Variants in IL36B observed in about 807,000 individuals in gnomAD.
IL36B encodes the protein interleukin 36 beta, also known as interleukin-36 beta.
Under a neutral mutation model 19.3 loss-of-function variants are expected in IL36B, and 23 were observed. The observed-to-expected ratio is 1.19, with a 90% CI of 0.86 to 1.69. The LOEUF (loss-of-function observed/expected upper bound fraction) is 1.69, where lower values mean the gene tolerates loss of function less well. Ranked by LOEUF, IL36B falls within the 40% of genes most tolerant of loss-of-function variation. The pLI, the probability that IL36B is intolerant of heterozygous loss-of-function variation, is 0.00. For synonymous variants in IL36B, 59 were observed against 59.7 expected (o/e 0.99, Z 0.05); for missense variants, 217 against 200.5 (o/e 1.08, Z -0.50).
chr2:113,046,179 G>A (rs1232211577), intron 1 of IL36B, among the ~76,000 whole-genome samples: 7 of 149,886 alleles, frequency 4.7e-5, no homozygotes, highest in Admixed American at 2.0e-4. Context: ...ATTATATAAA[G>A]TTTATATTCT....
chr2:113,050,953 C>T (rs528839398), intron 1 of IL36B, among the ~76,000 whole-genome samples: 72 of 151,952 alleles, frequency 4.7e-4, no homozygotes, highest in African/African-American at 1.6e-3. Context: ...TGCCTCTCAG[C>T]GTGGCCTCCC....
At chr2:113,027,638 A>G (rs1684988573) in intron 4 of IL36B, 2 of 1,281,424 alleles carry the variant, frequency 1.6e-6, no homozygotes, top group Non-Finnish European at 2.0e-6. Flanking sequence ...TAAACTGGGC[A>G]TGGCAGCTGA....
At chr2:113,034,260 G>A (rs1043562555) in intron 1 of IL36B, among the ~76,000 whole-genome samples, 3 of 152,066 alleles carry the variant, frequency 2.0e-5, no homozygotes, top group African/African-American at 4.8e-5. Flanking sequence ...TTCGCCTGCA[G>A]GGAGTTTTTC....
At chr2:113,026,646 C>G (rs182817062) in intron 4 of IL36B, among the ~76,000 whole-genome samples, 405 of 152,256 alleles carry the variant, frequency 2.7e-3, no homozygotes, top group Non-Finnish European at 3.7e-3. Context: ...TAAAATAACT[C>G]TCACAAAATG....
At chr2:113,032,057 T>A (rs1685085712) in intron 1 of IL36B, among the ~76,000 whole-genome samples, 1 of 151,738 alleles carries the variant, frequency 6.6e-6, no homozygotes, top group Non-Finnish European at 1.5e-5. Flanking sequence ...TTCCAACACA[T>A]CACCACGGGC....
At chr2:113,046,079 T>G (rs950596901) in intron 1 of IL36B, among the ~76,000 whole-genome samples, 5 of 152,208 alleles carry the variant, frequency 3.3e-5, no homozygotes, top group African/African-American at 9.6e-5. Context: ...GCTTTCAAAT[T>G]TACAGAAAAA....
At chr2:113,033,115 G>C (rs1685108945) in intron 1 of IL36B, among the ~76,000 whole-genome samples, 1 of 152,306 alleles carries the variant, frequency 6.6e-6, no homozygotes, top group African/African-American at 2.4e-5. Flanking sequence ...CTCCTTGCAG[G>C]AGTTTTACAC....
At chr2:113,029,807 A>G (rs1685040404) in intron 3 of IL36B, among the ~76,000 whole-genome samples, 3 of 152,198 alleles carry the variant, frequency 2.0e-5, no homozygotes, top group African/African-American at 7.2e-5. Flanking sequence ...ACCCATTCAC[A>G]GGGCTTGTAA....
intron 1 of IL36B, among the ~76,000 whole-genome samples, chr2:113,038,617 T>C (rs993872375): frequency 5.9e-5 from 9 of 152,150 alleles, no homozygotes; most frequent in Non-Finnish European, 1.3e-4. Context: ...TCAGTCCAAT[T>C]TGGCCACACA....
chr2:113,029,090 A>G lies in IL36B; in HGVS notation c.122-12T>C. ...TAAATGAAGAGTGACTGGAAACACA[A>G]AGGAAAATGGAGAAGATGTTTCAGT... is the stretch of plus-strand genomic sequence containing the variant. On this transcript the variant is annotated splice_polypyrimidine_tract_variant and intron_variant, in intron 3 of 5. Transcript: ENST00000259213. 6.2e-7 allele frequency: 1 copy of G among 1,609,282 alleles called. No individual in the cohort carries two copies. Among genetic ancestry groups the G allele is most frequent in the South Asian group, 1.1e-5 (1 of 89,850 alleles).
At chr2:113,045,251 A>G (rs1275406143) in intron 1 of IL36B, among the ~76,000 whole-genome samples, 1 of 152,212 alleles carries the variant, frequency 6.6e-6, no homozygotes, top group Non-Finnish European at 1.5e-5. Context: ...CCGCAAAAGC[A>G]TAATTGACAA....
chr2:113,051,513 C>T (rs745792268), intron 1 of IL36B, among the ~76,000 whole-genome samples: 60 of 152,182 alleles, frequency 3.9e-4, no homozygotes, highest in Non-Finnish European at 5.4e-4. Context: ...TGCACCTGGC[C>T]CTTCCCCAGC....
intron 1 of IL36B, 150 bp from the exon 2 acceptor site, chr2:113,031,916 C>T (rs1685082942): frequency 5.7e-6 from 3 of 527,564 alleles, no homozygotes; most frequent in East Asian, 3.2e-5. Context: ...AGGATGGGTA[C>T]AGGACATTTC....
At chr2:113,036,374 A>G (rs1194225640) in intron 1 of IL36B, among the ~76,000 whole-genome samples, 1 of 149,248 alleles carries the variant, frequency 6.7e-6, no homozygotes, top group African/African-American at 2.5e-5. Flanking sequence ...TTTTTTCATG[A>G]AGTGGGTGCT....
At position 113,022,603 on chromosome 2, in the gene IL36B, C is replaced by A. The variant is rs187870534; in HGVS notation, c.*71G>T. 4.4e-5 allele frequency: 43 copies of A among 987,184 alleles called. No individual in the cohort carries two copies. In the East Asian group the frequency reaches 1.0e-3, roughly 23 times the overall value. 61.2% of individuals were successfully genotyped at this position (987,184 alleles called of 1,614,324 possible). On this transcript the variant is annotated 3_prime_UTR_variant, in exon 6 of 6. Transcript: ENST00000259213. ...AGAGAAAAATTTCTGCAACTTATTC[C>A]ATTTGTAGCATTTCATTGATAGCAA... is the stretch of plus-strand genomic sequence containing the variant.
In IL36B at chr2:113,027,331, A is replaced by T. The variant is rs536208437; in HGVS notation, c.262-1099T>A. The T allele has an allele frequency of 2.0e-5, 7 of 343,132 alleles. No homozygotes were observed. In the South Asian group the frequency reaches 8.5e-4, roughly 42 times the overall value. 21.3% of individuals were successfully genotyped at this position (343,132 alleles called of 1,614,324 possible). The stretch of plus-strand genomic sequence containing the variant: ...ATTTGGTGTAACTTTTATTGAAAAA[A>T]ATCAGTGTTTAAGTGGACCTGTGCA... On this transcript the variant is annotated intron_variant, in intron 4 of 5. Coordinates refer to ENST00000259213, the MANE Select transcript of IL36B (RefSeq NM_014438.5).
At chr2:113,046,164 T>C (rs939351377) in intron 1 of IL36B, among the ~76,000 whole-genome samples, 2 of 151,988 alleles carry the variant, frequency 1.3e-5, no homozygotes, top group Non-Finnish European at 2.9e-5. Context: ...TATTGATACA[T>C]TATTATTATA....
chr2:113,030,917 C>G, intron 3 of IL36B, 131 bp downstream of exon 3: 3 of 666,004 alleles, frequency 4.5e-6, no homozygotes, highest in Non-Finnish European at 8.1e-6. Context: ...TCTCACTTGA[C>G]CTTCCTGTGG....
intron 1 of IL36B, among the ~76,000 whole-genome samples, chr2:113,048,618 G>T (rs2105058423): frequency 6.6e-6 from 1 of 152,148 alleles, no homozygotes; most frequent in African/African-American, 2.4e-5. Context: ...GCAAGGAGTG[G>T]GAAAGAAATT....
Sources: allele counts gnomAD v4.1 joint callset (sites outside exome capture counted in the v4.1 genomes callset), GRCh38; gene constraint gnomAD v4.1.1; transcripts MANE v1.5; gene names NCBI Gene and HGNC (gene_info 2026-07-23, HGNC 2026-07-21).